Variants in AKAP10 observed in about 807,000 individuals in gnomAD.
AKAP10 encodes A-kinase anchor protein 10, mitochondrial.
Under a neutral mutation model 80.8 loss-of-function variants are expected in AKAP10, and 24 were observed. That is an observed-to-expected ratio of 0.30 (90% confidence interval 0.22 to 0.42). The LOEUF is 0.42. Among genes scored for constraint, AKAP10 ranks in the 10% least tolerant of loss-of-function variants. The pLI is 1.00. For synonymous variants in AKAP10, 291 were observed against 277.7 expected, an observed-to-expected ratio of 1.05 and a Z score of -0.48; for missense variants, 661 against 794.9, an observed-to-expected ratio of 0.83 and a Z score of 2.03.
At chr17:19,938,603 C>CTAA (rs1325771430) in intron 8 of AKAP10, among the ~76,000 whole-genome samples, 1 of 152,212 alleles carries the variant, frequency 6.6e-6, no homozygotes, top group Admixed American at 6.5e-5. Context: ...AGCCCACAGA[C>CTAA]TAATGTTCAG....
At chr17:19,921,312 T>C (rs11655208) in intron 11 of AKAP10, among the ~76,000 whole-genome samples, 1 of 151,804 alleles carries the variant, frequency 6.6e-6, no homozygotes, top group East Asian at 2.0e-4. Flanking sequence ...GGACTACGGG[T>C]GCGCCACCAC....
chr17:19,921,285 A>G (rs1296363143), intron 11 of AKAP10, among the ~76,000 whole-genome samples: 1 of 151,648 alleles, frequency 6.6e-6, no homozygotes, highest in Non-Finnish European at 1.5e-5. Flanking sequence ...CTCCTGTCTC[A>G]GCCTCTCGAG....
chr17:19,936,783 G>T (rs997671790), intron 8 of AKAP10, among the ~76,000 whole-genome samples: 1 of 152,180 alleles, frequency 6.6e-6, no homozygotes, highest in African/African-American at 2.4e-5. Flanking sequence ...AGATAGAAAG[G>T]AATTTATAGG....
chr17:19,939,444 T>C (rs1334006767), intron 8 of AKAP10, among the ~76,000 whole-genome samples: 1 of 152,190 alleles, frequency 6.6e-6, no homozygotes, highest in Non-Finnish European at 1.5e-5. Context: ...CTTCTTTCTT[T>C]GGGATCCAAA....
intron 2 of AKAP10, among the ~76,000 whole-genome samples, chr17:19,968,201 C>CAAA (rs34802640): frequency 3.8e-4 from 26 of 68,866 alleles, no homozygotes; most frequent in Middle Eastern, 9.8e-3. Context: ...ACTCCGTCTC[C>CAAA]AAAAAAAAAA....
At chr17:19,953,012 T>A (rs569056785) in intron 4 of AKAP10, among the ~76,000 whole-genome samples, 100 of 152,238 alleles carry the variant, frequency 6.6e-4, no homozygotes, top group African/African-American at 1.9e-3. Context: ...TTTTAAAAAA[T>A]TTTTTAATGT....
chr17:19,972,791 C>T (rs2152419900), intron 1 of AKAP10, among the ~76,000 whole-genome samples: 1 of 152,288 alleles, frequency 6.6e-6, no homozygotes, highest in East Asian at 1.9e-4. Context: ...ATTTACACAA[C>T]ATGGATTATA....
intron 2 of AKAP10, among the ~76,000 whole-genome samples, chr17:19,968,202 A>C (rs1404277110): frequency 3.7e-5 from 2 of 54,202 alleles, no homozygotes; most frequent in African/African-American, 1.9e-4. Context: ...CTCCGTCTCC[A>C]AAAAAAAAAA....
intron 3 of AKAP10, among the ~76,000 whole-genome samples, chr17:19,961,230 T>C (rs2043346086): frequency 6.7e-6 from 1 of 149,502 alleles, no homozygotes; most frequent in African/African-American, 2.5e-5. Context: ...GGTGCATGCC[T>C]ATAGTCCCAG....
At chr17:19,941,684 A>G (rs2043051940) in intron 6 of AKAP10, 142 bp downstream of exon 6, 2 of 470,052 alleles carry the variant, frequency 4.3e-6, no homozygotes, top group Non-Finnish European at 7.0e-6. Flanking sequence ...TAACCAAGAT[A>G]GAGTATGCTT....
intron 10 of AKAP10, among the ~76,000 whole-genome samples, chr17:19,926,822 T>C (rs1159761678): frequency 2.0e-5 from 3 of 152,204 alleles, no homozygotes; most frequent in Admixed American, 2.0e-4. Context: ...ACAATACTGT[T>C]AAGAAGGCAA....
chr17:19,953,631 G>C (rs1214775001), intron 4 of AKAP10, among the ~76,000 whole-genome samples: 30 of 152,096 alleles, frequency 2.0e-4, no homozygotes, highest in Admixed American at 1.8e-3. Context: ...TTACTCAAAG[G>C]CCATAAACTA....
At chr17:19,936,196 T>C (rs1426873567) in intron 9 of AKAP10, 90 bp downstream of exon 9, 7 of 1,421,760 alleles carry the variant, frequency 4.9e-6, no homozygotes, top group Non-Finnish European at 6.7e-6. Flanking sequence ...ATTTCCACTG[T>C]GCTATTCTGC....
At chr17:19,959,950 A>G (rs575726019) in intron 3 of AKAP10, among the ~76,000 whole-genome samples, 37 of 152,270 alleles carry the variant, frequency 2.4e-4, no homozygotes, top group Admixed American at 6.5e-4. Context: ...AAGTTCTAAG[A>G]TACAATACTG....
At chr17:19,970,700 G>A (rs2043484520) in intron 1 of AKAP10, among the ~76,000 whole-genome samples, 1 of 152,082 alleles carries the variant, frequency 6.6e-6, no homozygotes, top group Non-Finnish European at 1.5e-5. Context: ...GCGGGTACCT[G>A]TAGTCCCAGC....
intron 1 of AKAP10, among the ~76,000 whole-genome samples, chr17:19,972,893 GTTTTT>G (rs1244342133): frequency 6.6e-6 from 1 of 152,000 alleles, no homozygotes; most frequent in Non-Finnish European, 1.5e-5. Context: ...TTCAAGTTTT[GTTTTT>G]TTAACATTCC....
chr17:19,937,104 A>AG, intron 8 of AKAP10, among the ~76,000 whole-genome samples: 1 of 143,572 alleles, frequency 7.0e-6, no homozygotes. Context: ...ATTAAATGCG[A>AG]GAAAAAAAAA....
chr17:19,931,563 G>GT (rs2042933413), intron 10 of AKAP10, among the ~76,000 whole-genome samples: 1 of 151,806 alleles, frequency 6.6e-6, no homozygotes, highest in African/African-American at 2.4e-5. Flanking sequence ...GCTAATTTTT[G>GT]TATTTTTAGT....
intron 10 of AKAP10, among the ~76,000 whole-genome samples, chr17:19,927,251 T>C (rs1204866245): frequency 6.6e-6 from 1 of 152,124 alleles, no homozygotes; most frequent in Non-Finnish European, 1.5e-5. Context: ...AGAGGATCAC[T>C]TCGGCCCAGG....
Sources: gnomAD v4.1 joint callset for allele counts (sites outside exome capture counted in the v4.1 genomes callset) on GRCh38, gnomAD v4.1.1 for gene constraint, MANE v1.5 for transcripts, NCBI Gene and HGNC (gene_info 2026-07-23, HGNC 2026-07-21) for gene names.